Variants in MTHFS observed in about 807,000 individuals in gnomAD.
MTHFS encodes the protein 5-formyltetrahydrofolate cyclo-ligase.
In MTHFS, 7 loss-of-function variants were observed where a neutral mutation model predicts 12.7. The observed-to-expected ratio is 0.55, with a 90% CI of 0.31 to 1.03. The LOEUF (loss-of-function observed/expected upper bound fraction) is 1.03, where lower values mean the gene tolerates loss of function less well. Among genes scored for constraint, MTHFS ranks in the 50% least tolerant of loss-of-function variants. The pLI is 0.05. For synonymous variants in MTHFS, 100 were observed against 97.1 expected, an observed-to-expected ratio of 1.03 and a Z score of -0.18; for missense variants, 252 against 258.1, an observed-to-expected ratio of 0.98 and a Z score of 0.16.
chr15:79,849,128 GT>G (rs2033668926), intron 2 of MTHFS, among the ~76,000 whole-genome samples: 1 of 152,164 alleles, frequency 6.6e-6, no homozygotes, highest in Admixed American at 6.5e-5. Flanking sequence ...CTAGGTGGAG[GT>G]CCTTACATCG....
chr15:79,846,094 T>C (rs1408338707), intron 2 of MTHFS, among the ~76,000 whole-genome samples: 1 of 152,188 alleles, frequency 6.6e-6, no homozygotes, highest in Non-Finnish European at 1.5e-5. Flanking sequence ...CAGAACTGGC[T>C]ATGACATTAT....
intron 2 of MTHFS, among the ~76,000 whole-genome samples, chr15:79,864,547 CAAAAAAAAAAAA>C (rs58698908): frequency 3.4e-4 from 22 of 64,538 alleles, no homozygotes; most frequent in South Asian, 1.6e-3. Flanking sequence ...TCCATCTCAA[CAAAAAAAAAAAA>C]AAAAAAAAAA....
At chr15:79,865,625 C>T (rs1030656881) in intron 2 of MTHFS, among the ~76,000 whole-genome samples, 1 of 152,102 alleles carries the variant, frequency 6.6e-6, no homozygotes, top group Non-Finnish European at 1.5e-5. Flanking sequence ...GCTGATTTAA[C>T]GAGGAAGACC....
At chr15:79,854,914 C>G (rs1190723292) in intron 2 of MTHFS, among the ~76,000 whole-genome samples, 1 of 152,180 alleles carries the variant, frequency 6.6e-6, no homozygotes, top group African/African-American at 2.4e-5. Flanking sequence ...TTGCTGCAGA[C>G]TGAAAAGTGG....
At chr15:79,863,776 C>T (rs755219456) in intron 2 of MTHFS, among the ~76,000 whole-genome samples, 6 of 152,310 alleles carry the variant, frequency 3.9e-5, no homozygotes, top group South Asian at 2.1e-4. Flanking sequence ...ATGGCATATG[C>T]GGCAGGATCT....
intron 2 of MTHFS, among the ~76,000 whole-genome samples, chr15:79,846,285 A>G (rs569220578): frequency 5.1e-4 from 78 of 152,352 alleles, no homozygotes; most frequent in African/African-American, 1.8e-3. Flanking sequence ...CAGTGTCAGC[A>G]TAAGAGCCAC....
chr15:79,885,343 T>C (rs189007936), intron 2 of MTHFS, among the ~76,000 whole-genome samples: 1 of 152,232 alleles, frequency 6.6e-6, no homozygotes, highest in Admixed American at 6.5e-5. Context: ...TCCAAGAAGA[T>C]CATAAGTTAA....
intron 1 of MTHFS, 60 bp from the exon 2 acceptor site, chr15:79,889,414 C>A (rs2034434979): frequency 7.1e-7 from 1 of 1,402,656 alleles, no homozygotes; most frequent in Admixed American, 2.1e-5. Flanking sequence ...CTCCTCTTAA[C>A]AATTCCTCCT....
intron 2 of MTHFS, among the ~76,000 whole-genome samples, chr15:79,869,392 AAC>A (rs1324252990): frequency 2.0e-5 from 3 of 152,222 alleles, no homozygotes; most frequent in Non-Finnish European, 4.4e-5. Context: ...AAAATTAGAA[AAC>A]ACAGTCATAC....
chr15:79,853,618 C>G (rs1323595061), intron 2 of MTHFS, among the ~76,000 whole-genome samples: 2 of 152,208 alleles, frequency 1.3e-5, no homozygotes, highest in Non-Finnish European at 2.9e-5. Flanking sequence ...AATACTAACA[C>G]TACAAGAGCT....
At chr15:79,896,691 A>T in intron 1 of MTHFS, 181 bp downstream of exon 1, 2 of 1,153,382 alleles carry the variant, frequency 1.7e-6, no homozygotes, top group Non-Finnish European at 2.3e-6. Flanking sequence ...CATAGTGCCA[A>T]GAGCGTCCAG....
In MTHFS at chr15:79,845,351, C is replaced by T; in HGVS notation, c.471G>A (p.Leu157=). 1.2e-6 allele frequency: 2 copies of T among 1,614,192 alleles called. No homozygotes were observed. Among genetic ancestry groups the T allele is most frequent in the Middle Eastern group, 1.6e-4 (1 of 6,062 alleles). The change falls in exon 3 of 3, where the codon CTG becomes CTA. Residue 157 remains leucine, a synonymous_variant. Coordinates refer to ENST00000258874, the MANE Select transcript of MTHFS (RefSeq NM_006441.4). The part of the protein sequence containing the change: ...GRGKGYYDAY[L]KRCLQHQEVK... Reference sequence around the variant, plus strand: ...CTTCCTGATGCTGCAAACAGCGCTTCAGATAGGCATCATAGTAGCCCTTGC... The same window carrying T: ...CTTCCTGATGCTGCAAACAGCGCTTTAGATAGGCATCATAGTAGCCCTTGC...
rs1449544796 is a variant in MTHFS, at chr15:79,887,545, A to AG, written c.379+1547dup. On this transcript the variant is annotated intron_variant, in intron 2 of 2. Coordinates refer to ENST00000258874, the MANE Select transcript of MTHFS (RefSeq NM_006441.4). Reference sequence around the variant, plus strand: ...ATTATAGAGATGATACAAGCATTGAAGGAGCTGTTAACAGAGTCAACTGGA... The same window carrying AG: ...ATTATAGAGATGATACAAGCATTGAAGGGAGCTGTTAACAGAGTCAACTGGA... Among the ~76,000 whole-genome samples, 6 of 152,352 alleles carry AG rather than the reference A, an allele frequency of 3.9e-5. No individual in the cohort carries two copies. In the Middle Eastern group the frequency reaches 0.014, roughly 345 times the overall value.
At chr15:79,845,632 C>T (rs2033600244) in intron 2 of MTHFS, among the ~76,000 whole-genome samples, 190 bp from the exon 3 acceptor site, 1 of 152,152 alleles carries the variant, frequency 6.6e-6, no homozygotes, top group African/African-American at 2.4e-5. Context: ...TTAGTTAAGT[C>T]TCTTATTCAT....
rs16971422 is a variant in MTHFS at position 79,844,472 on chromosome 15, T to C, written c.*738A>G. On this transcript the variant is annotated 3_prime_UTR_variant, in exon 3 of 3. Coordinates refer to ENST00000258874, the MANE Select transcript of MTHFS (RefSeq NM_006441.4). ...CCAAATCCTCCCCACAACAAAATTA[T>C]TGCTCCCTAGCTGTGTTGCCATCTG... Among the ~76,000 whole-genome samples the C allele has an allele frequency of 0.016, 2,422 of 152,202 alleles. 60 individuals are homozygous for C. The highest frequency in any genetic ancestry group is 0.055 in the African/African-American group (2,270 of 41,510).
intron 2 of MTHFS, among the ~76,000 whole-genome samples, chr15:79,866,042 A>G (rs1184139094): frequency 4.1e-5 from 5 of 120,894 alleles, no homozygotes; most frequent in Non-Finnish European, 3.7e-5. Context: ...TTGAAATTTT[A>G]TAAGTTTTTT....
intron 2 of MTHFS, among the ~76,000 whole-genome samples, chr15:79,858,828 A>G (rs966051954): frequency 6.6e-6 from 1 of 152,244 alleles, no homozygotes; most frequent in Non-Finnish European, 1.5e-5. Context: ...CAAACTTAAG[A>G]AAATTGTGAA....
chr15:79,846,501 A>AT (rs1241358497), intron 2 of MTHFS, among the ~76,000 whole-genome samples: 1 of 152,228 alleles, frequency 6.6e-6, no homozygotes, highest in African/African-American at 2.4e-5. Flanking sequence ...TCAGACTGCC[A>AT]ACATGGCTAG....
chr15:79,858,573 G>A (rs1308281687), intron 2 of MTHFS, among the ~76,000 whole-genome samples: 1 of 152,078 alleles, frequency 6.6e-6, no homozygotes, highest in African/African-American at 2.4e-5. Context: ...TTCCAATTCA[G>A]ATAATCCCCT....
Sources: gnomAD v4.1 joint callset for allele counts (sites outside exome capture counted in the v4.1 genomes callset) on GRCh38, gnomAD v4.1.1 for gene constraint, MANE v1.5 for transcripts, NCBI Gene and HGNC (gene_info 2026-07-23, HGNC 2026-07-21) for gene names.